The following FBXL4 variants were observed in gnomAD, a reference collection of about 807,000 sequenced individuals.
FBXL4 encodes F-box/LRR-repeat protein 4.
A neutral mutation model predicts 58.9 loss-of-function variants in FBXL4; 40 were observed. The observed-to-expected ratio is 0.68, with a 90% confidence interval of 0.53 to 0.88. FBXL4 has a LOEUF of 0.88. FBXL4 is among the 40% of genes least tolerant of loss of function. The pLI is 0.00. For missense variants in FBXL4, 676 were observed against 734.4 expected, an observed-to-expected ratio of 0.92 and a Z score of 0.92; for synonymous variants, 263 against 265.5, an observed-to-expected ratio of 0.99 and a Z score of 0.09.
At chr6:98,909,262 C>A (rs1458650083) in intron 5 of FBXL4, among the ~76,000 whole-genome samples, 1 of 152,134 alleles carries the variant, frequency 6.6e-6, no homozygotes, top group Non-Finnish European at 1.5e-5. Context: ...CCCAAACAGA[C>A]CTCTATGACG....
At chr6:98,902,744 G>C (rs1275653534) in intron 6 of FBXL4, among the ~76,000 whole-genome samples, 2 of 152,008 alleles carry the variant, frequency 1.3e-5, no homozygotes, top group Non-Finnish European at 2.9e-5. Context: ...ATACAATTAA[G>C]TTCCAAAGCA....
intron 4 of FBXL4, among the ~76,000 whole-genome samples, chr6:98,919,173 C>T (rs898075953): frequency 1.3e-5 from 2 of 152,064 alleles, no homozygotes; most frequent in Admixed American, 6.6e-5. Flanking sequence ...CAGCCACAAT[C>T]TTGGAAGAAT....
chr6:98,895,408 T>C (rs928488738), intron 7 of FBXL4, among the ~76,000 whole-genome samples: 1 of 152,220 alleles, frequency 6.6e-6, no homozygotes, highest in African/African-American at 2.4e-5. Context: ...ATATGTTAGT[T>C]ACTATGTTGT....
chr6:98,889,511 T>C (rs911704637), intron 7 of FBXL4, among the ~76,000 whole-genome samples: 2 of 151,818 alleles, frequency 1.3e-5, no homozygotes, highest in Non-Finnish European at 2.9e-5. Context: ...CAAAACCCCA[T>C]CTCTACAAAA....
chr6:98,885,612 C>G (rs776241399), intron 7 of FBXL4, among the ~76,000 whole-genome samples: 30 of 152,198 alleles, frequency 2.0e-4, no homozygotes, highest in African/African-American at 7.2e-4. Context: ...CAAACTGGGA[C>G]GCTGGTTTCT....
chr6:98,899,781 G>C (rs936361177), intron 6 of FBXL4, among the ~76,000 whole-genome samples: 1 of 151,892 alleles, frequency 6.6e-6, no homozygotes, highest in East Asian at 1.9e-4. Context: ...ATTCACATCT[G>C]AGTTGGTAAA....
intron 5 of FBXL4, among the ~76,000 whole-genome samples, chr6:98,913,875 G>A (rs1772210318): frequency 6.6e-6 from 1 of 152,116 alleles, no homozygotes; most frequent in African/African-American, 2.4e-5. Context: ...AATGAATCCA[G>A]AAGCTGGTTT....
chr6:98,889,025 T>G (rs1771131870), intron 7 of FBXL4, among the ~76,000 whole-genome samples: 1 of 152,128 alleles, frequency 6.6e-6, no homozygotes, highest in African/African-American at 2.4e-5. Context: ...AACACATAAT[T>G]AAATATTCAA....
chr6:98,920,515 T>C (rs1772538673), intron 4 of FBXL4, among the ~76,000 whole-genome samples: 1 of 152,110 alleles, frequency 6.6e-6, no homozygotes, highest in Non-Finnish European at 1.5e-5. Flanking sequence ...TTTACTTTTA[T>C]TTTTCTTGAT....
chr6:98,933,892 C>G (rs576132395), intron 2 of FBXL4, among the ~76,000 whole-genome samples: 1 of 152,238 alleles, frequency 6.6e-6, no homozygotes, highest in African/African-American at 2.4e-5. Context: ...AGAAATGTTC[C>G]ATATCTTGAT....
chr6:98,872,722 G>A lies in FBXL4; in HGVS notation c.*1556C>T, dbSNP rs370646570. On this transcript the variant is annotated 3_prime_UTR_variant, in exon 10 of 10. Coordinates refer to ENST00000369244, the MANE Select transcript of FBXL4 (RefSeq NM_001278716.2). ...AAAGTTTCCTGACCTCTGCCCTAGAGCCAGAAGCTACCCTGAACACCTAAA... is the reference window on the plus strand; with the variant it reads ...AAAGTTTCCTGACCTCTGCCCTAGAACCAGAAGCTACCCTGAACACCTAAA... 13 of 152,226 alleles carry A rather than the reference G, an allele frequency of 8.5e-5. No individual in the cohort carries two copies. The highest frequency in any genetic ancestry group is 2.6e-4 in the African/African-American group (11 of 41,544). The allele number at this position is 152,226 out of a possible 1,614,324, so 9.4% of individuals were successfully genotyped here.
chr6:98,920,234 C>A (rs1189615248), intron 4 of FBXL4, among the ~76,000 whole-genome samples: 2 of 152,082 alleles, frequency 1.3e-5, no homozygotes, highest in East Asian at 3.9e-4. Context: ...AGCTACCTTG[C>A]AGAACATGCA....
At chr6:98,894,799 CT>C (rs1471753584) in intron 7 of FBXL4, among the ~76,000 whole-genome samples, 5 of 152,088 alleles carry the variant, frequency 3.3e-5, no homozygotes. Flanking sequence ...TGTTATTTCT[CT>C]GATGAAGTCA....
At chr6:98,899,154 G>C in intron 7 of FBXL4, 114 bp downstream of exon 7, 1 of 1,486,666 alleles carries the variant, frequency 6.7e-7, no homozygotes, top group South Asian at 1.4e-5. Context: ...TAGTCAGAAG[G>C]CATCATAAAC....
intron 7 of FBXL4, chr6:98,896,734 G>A: frequency 1.1e-6 from 1 of 890,662 alleles, no homozygotes; most frequent in African/African-American, 1.8e-5. Flanking sequence ...AAGTAACAGA[G>A]GGTACAACCT....
At chr6:98,878,422 GC>G (rs1353271485) in intron 8 of FBXL4, among the ~76,000 whole-genome samples, 1 of 152,018 alleles carries the variant, frequency 6.6e-6, no homozygotes, top group African/African-American at 2.4e-5. Flanking sequence ...GCTCACTGCA[GC>G]CTCAAACTCC....
chr6:98,919,976 CT>C (rs1333169715), intron 4 of FBXL4, among the ~76,000 whole-genome samples: 3 of 152,052 alleles, frequency 2.0e-5, no homozygotes, highest in Non-Finnish European at 2.9e-5. Flanking sequence ...AACCAGCCTA[CT>C]TTGTTGTTTA....
In FBXL4 at chr6:98,943,579, CAAAAAA is replaced by C. The variant is rs59697294; in HGVS notation, c.-309+4221_-309+4226del. 1.6e-4 allele frequency among the ~76,000 whole-genome samples: 12 copies of C among 76,698 alleles called. No homozygotes were observed. The East Asian group carries it at 4.1e-3, about 26-fold the overall frequency. The allele number at this position is 76,698 out of a possible 152,430, so 50.3% of individuals were successfully genotyped here. ...TGGGTGACAGAGCAAGACTCTGTCTCAAAAAAAAAAAAAAAAAAAAAGAAGACAAAC... is the reference window on the plus strand; with the variant it reads ...TGGGTGACAGAGCAAGACTCTGTCTCAAAAAAAAAAAAAAAGAAGACAAAC... On this transcript the variant is annotated intron_variant, in intron 1 of 9. Coordinates refer to ENST00000369244, the MANE Select transcript of FBXL4 (RefSeq NM_001278716.2).
intron 2 of FBXL4, among the ~76,000 whole-genome samples, chr6:98,932,607 G>C (rs1207756095): frequency 3.9e-5 from 6 of 152,158 alleles, no homozygotes; most frequent in African/African-American, 1.4e-4. Context: ...GAGCTGCCGA[G>C]AAGTCGGCTT....
Sources: gnomAD v4.1 joint callset for allele counts (sites outside exome capture counted in the v4.1 genomes callset) on GRCh38, gnomAD v4.1.1 for gene constraint, MANE v1.5 for transcripts, NCBI Gene and HGNC (gene_info 2026-07-23, HGNC 2026-07-21) for gene names.